Variants in RFFL observed in about 807,000 individuals in gnomAD.
The protein encoded by RFFL is ring finger and FYVE like domain containing E3 ubiquitin protein ligase.
In RFFL, 16 loss-of-function variants were observed where a neutral mutation model predicts 40.4. The observed-to-expected ratio is 0.40, with a 90% CI of 0.27 to 0.60. The LOEUF (loss-of-function observed/expected upper bound fraction) is 0.60, where lower values mean the gene tolerates loss of function less well. RFFL is among the 20% of genes least tolerant of loss of function. RFFL has a pLI of 0.47. For missense variants in RFFL, 367 were observed against 451.7 expected (o/e 0.81, Z 1.70); for synonymous variants, 154 against 167.9 (o/e 0.92, Z 0.64).
At chr17:35,019,116 G>T (rs1032452666) in intron 3 of RFFL, 4 of 152,198 alleles carry the variant, frequency 2.6e-5, no homozygotes, top group African/African-American at 7.2e-5. Flanking sequence ...TACATTCTAG[G>T]TGCAGCTCAC....
chr17:35,056,414 G>A (rs142086925), intron 1 of RFFL, among the ~76,000 whole-genome samples: 53 of 102,612 alleles, frequency 5.2e-4, no homozygotes, highest in African/African-American at 2.0e-3. Context: ...GTTTTGCTCT[G>A]TTGCCCAGGC....
chr17:35,056,361 G>A (rs373347273), intron 1 of RFFL, among the ~76,000 whole-genome samples: 10 of 146,874 alleles, frequency 6.8e-5, no homozygotes, highest in South Asian at 2.1e-4. Context: ...CTTCTCTAGT[G>A]AATTTTACTT....
intron 1 of RFFL, among the ~76,000 whole-genome samples, chr17:35,053,579 C>T (rs1466636964): frequency 1.3e-5 from 2 of 152,184 alleles, no homozygotes; most frequent in African/African-American, 4.8e-5. Flanking sequence ...AGTTCAGCAT[C>T]TTATCAGCTT....
At chr17:35,015,558 C>G (rs1488552047) in intron 5 of RFFL, among the ~76,000 whole-genome samples, 1 of 152,172 alleles carries the variant, frequency 6.6e-6, no homozygotes, top group Non-Finnish European at 1.5e-5. Context: ...AAGAGTCAGT[C>G]AGATGACCCC....
chr17:35,044,228 C>T (rs937392601), intron 1 of RFFL, among the ~76,000 whole-genome samples: 28 of 152,214 alleles, frequency 1.8e-4, no homozygotes, highest in Non-Finnish European at 3.4e-4. Flanking sequence ...ATACCCACCA[C>T]CTTGCCCAGC....
intron 1 of RFFL, chr17:35,069,159 T>G (rs1454768059): frequency 6.9e-6 from 3 of 433,960 alleles, no homozygotes; most frequent in Non-Finnish European, 1.4e-5. Context: ...TCTGTATACC[T>G]CTGAATTCGT....
chr17:35,065,211 A>G (rs1567714811), upstream of RFFL, among the ~76,000 whole-genome samples: 1 of 145,848 alleles, frequency 6.9e-6, no homozygotes, highest in African/African-American at 2.5e-5. Flanking sequence ...CCTCCTTCAG[A>G]AAAAAAAAAA....
intron 1 of RFFL, among the ~76,000 whole-genome samples, chr17:35,071,210 A>C (rs1230500428): frequency 2.0e-5 from 3 of 152,080 alleles, no homozygotes; most frequent in Non-Finnish European, 4.4e-5. Context: ...AAAAAAAAAA[A>C]AAACAAAAAT....
chr17:35,031,429 T>C (rs2091082380), intron 1 of RFFL, among the ~76,000 whole-genome samples: 1 of 151,888 alleles, frequency 6.6e-6, no homozygotes, highest in African/African-American at 2.4e-5. Flanking sequence ...TCTGTTAAAC[T>C]CTCTACTCAT....
At chr17:35,014,636 G>A in intron 6 of RFFL, 104 bp downstream of exon 6, 1 of 1,100,250 alleles carries the variant, frequency 9.1e-7, no homozygotes, top group Non-Finnish European at 1.4e-6. Context: ...CTCTCTCTGG[G>A]GGCTCAAATG....
intron 1 of RFFL, 117 bp from the exon 2 acceptor site, chr17:35,026,678 GA>G: frequency 1.3e-6 from 1 of 747,268 alleles, no homozygotes. Context: ...CACCAAGGTG[GA>G]GGGGAGGATG....
intron 1 of RFFL, among the ~76,000 whole-genome samples, chr17:35,073,585 A>G (rs1567716945): frequency 1.3e-5 from 2 of 152,218 alleles, no homozygotes; most frequent in Non-Finnish European, 2.9e-5. Flanking sequence ...TATTTGCCTC[A>G]AGCCCAGATG....
At chr17:35,036,327 T>C (rs2091122321) in intron 1 of RFFL, 1 of 151,342 alleles carries the variant, frequency 6.6e-6, no homozygotes, top group Admixed American at 6.5e-5. Flanking sequence ...TTTTCTCTCT[T>C]ATCTACAAAC....
chr17:35,082,090 C>T (rs1473834345), intron 1 of RFFL, among the ~76,000 whole-genome samples: 2 of 152,106 alleles, frequency 1.3e-5, no homozygotes, highest in Non-Finnish European at 2.9e-5. Context: ...CATTAATAGG[C>T]CCTTTAAGCT....
At chr17:35,077,545 G>A (rs556922490) in intron 1 of RFFL, among the ~76,000 whole-genome samples, 16 of 152,300 alleles carry the variant, frequency 1.1e-4, no homozygotes, top group African/African-American at 3.6e-4. Context: ...TACAAAGCTG[G>A]TCCTTCACCA....
intron 1 of RFFL, among the ~76,000 whole-genome samples, chr17:35,038,179 C>T (rs1376167703): frequency 2.6e-5 from 4 of 151,386 alleles, no homozygotes; most frequent in Admixed American, 1.3e-4. Context: ...ATCCCAGCTA[C>T]TCAGGAGGCT....
chr17:35,042,078 G>A (rs920204680), intron 1 of RFFL: 6 of 152,102 alleles, frequency 3.9e-5, no homozygotes, highest in African/African-American at 1.4e-4. Flanking sequence ...TGGCTGGAAA[G>A]CCCAAGGTCT....
At chr17:35,075,242 T>C (rs1260069831) in intron 1 of RFFL, among the ~76,000 whole-genome samples, 3 of 152,208 alleles carry the variant, frequency 2.0e-5, no homozygotes, top group Admixed American at 2.0e-4. Context: ...TGCTACAACA[T>C]TTCCATAAAC....
chr17:35,032,709 G>C (rs2091093926), intron 1 of RFFL, among the ~76,000 whole-genome samples: 1 of 152,034 alleles, frequency 6.6e-6, no homozygotes, highest in Non-Finnish European at 1.5e-5. Context: ...GGGGCCGGAG[G>C]CTGATTAGAT....
Sources: gnomAD v4.1 joint callset for allele counts (sites outside exome capture counted in the v4.1 genomes callset) on GRCh38, gnomAD v4.1.1 for gene constraint, MANE v1.5 for transcripts, NCBI Gene and HGNC (gene_info 2026-07-23, HGNC 2026-07-21) for gene names.